The following AGBL1 variants were observed in gnomAD, a reference collection of about 807,000 sequenced individuals.
The protein encoded by AGBL1 is AGBL carboxypeptidase 1.
In AGBL1, 130 loss-of-function variants were observed where a neutral mutation model predicts 118.9. The observed-to-expected ratio is 1.09, with a 90% CI of 0.95 to 1.26. The LOEUF (loss-of-function observed/expected upper bound fraction) is 1.26, where lower values mean the gene tolerates loss of function less well. Ranked by LOEUF, AGBL1 falls within the 50% of genes most tolerant of loss-of-function variation. The probability of loss-of-function intolerance (pLI) is 0.00; values close to 1 mark genes in which losing one functional copy is unlikely to be tolerated. For missense variants in AGBL1, 1,584 were observed against 1,298.1 expected (o/e 1.22, Z -3.38); for synonymous variants, 555 against 478.9 (o/e 1.16, Z -2.08).
chr15:86,680,652 T>C (rs2142567905), intron 22 of AGBL1, among the ~76,000 whole-genome samples: 1 of 144,386 alleles, frequency 6.9e-6, no homozygotes, highest in Non-Finnish European at 1.5e-5. Flanking sequence ...CTACAACCTC[T>C]GCCTCCTGGG....
intron 3 of AGBL1, among the ~76,000 whole-genome samples, chr15:86,146,884 C>T (rs530524437): frequency 3.1e-4 from 47 of 152,222 alleles, no homozygotes; most frequent in Non-Finnish European, 5.4e-4. Context: ...TATCAGTAAA[C>T]GAGGTTTAGG....
intron 17 of AGBL1, among the ~76,000 whole-genome samples, chr15:86,357,753 C>T (rs2080743219): frequency 1.3e-5 from 2 of 152,094 alleles, no homozygotes; most frequent in Admixed American, 1.3e-4. Flanking sequence ...CCTTGTATTT[C>T]CAATCTGAAT....
intron 22 of AGBL1, among the ~76,000 whole-genome samples, chr15:86,829,318 G>A (rs959502821): frequency 6.6e-6 from 1 of 152,232 alleles, no homozygotes; most frequent in African/African-American, 2.4e-5. Flanking sequence ...TTGGAAAACC[G>A]CAAGGGTCAA....
Position 86,356,355 on chromosome 15 carries a change from T to TGC in AGBL1, c.2375-41007_2375-41006dup, listed in dbSNP as rs1555471269. On this transcript the variant is annotated intron_variant, in intron 17 of 22. Coordinates refer to ENST00000614907, the MANE Select transcript of AGBL1 (RefSeq NM_001386094.1). ...ATAGACGTGTGTGTGTGTGTGTGTG[T>TGC]GCGCGTGCGCCCGCACGCACGCGCA... Among the ~76,000 whole-genome samples the TGC allele has an allele frequency of 1.1e-3, 167 of 151,008 alleles. 1 individual carries two copies. The highest frequency in any genetic ancestry group is 3.7e-3 in the African/African-American group (151 of 40,652).
intron 21 of AGBL1, among the ~76,000 whole-genome samples, chr15:86,600,772 CA>C (rs1216905775): frequency 6.6e-6 from 1 of 152,102 alleles, no homozygotes; most frequent in Admixed American, 6.6e-5. Flanking sequence ...TATGGCTAAG[CA>C]GTATCAAAAT....
intron 22 of AGBL1, among the ~76,000 whole-genome samples, chr15:86,812,563 A>G (rs953759256): frequency 6.6e-6 from 1 of 152,188 alleles, no homozygotes; most frequent in African/African-American, 2.4e-5. Flanking sequence ...ACCCCAAGAC[A>G]TGAAATTAGC....
intron 13 of AGBL1, among the ~76,000 whole-genome samples, chr15:86,268,725 T>A (rs2079111431): frequency 6.6e-6 from 1 of 152,144 alleles, no homozygotes. Flanking sequence ...GTGTCATGTG[T>A]TGTGTGGTGA....
rs1596741155 is a variant in AGBL1 at position 87,013,975 on chromosome 15, A to G, written c.3324-14850A>G. 3.9e-5 allele frequency among the ~76,000 whole-genome samples: 6 copies of G among 152,216 alleles called. No individual in the cohort carries two copies. The East Asian group carries it at 1.2e-3, about 29-fold the overall frequency. ...GTGATCTCTGAGTGTCAGATCTCTA[A>G]AAAGCAAAATAGAGTCCAACTTATA... On this transcript the variant is annotated intron_variant, in intron 24 of 24. Coordinates refer to the AGBL1 transcript ENST00000441037.
intron 24 of AGBL1, among the ~76,000 whole-genome samples, chr15:87,023,836 C>T (rs1187667457): frequency 1.3e-5 from 2 of 152,076 alleles, no homozygotes; most frequent in Middle Eastern, 3.4e-3. Flanking sequence ...AAGGAAACTT[C>T]AAAGCCATGC....
intron 22 of AGBL1, among the ~76,000 whole-genome samples, chr15:86,800,123 A>G (rs2078629487): frequency 6.6e-6 from 1 of 152,074 alleles, no homozygotes. Context: ...TTTAGCAAAA[A>G]ACACCTGCAC....
chr15:86,919,492 C>A (rs1419589980), downstream of AGBL1, among the ~76,000 whole-genome samples: 1 of 151,674 alleles, frequency 6.6e-6, no homozygotes, highest in South Asian at 2.1e-4. Context: ...AAAAACAGAG[C>A]CCAGCAAGGG....
intron 21 of AGBL1, among the ~76,000 whole-genome samples, chr15:86,651,235 A>G (rs1483376835): frequency 6.6e-6 from 1 of 152,118 alleles, no homozygotes; most frequent in Non-Finnish European, 1.5e-5. Flanking sequence ...GTGTTATTCC[A>G]TGACTCTGAT....
Position 86,925,736 on chromosome 15 carries a change from A to G in AGBL1, c.3222-62251A>G, listed in dbSNP as rs145183981. 2.0e-3 allele frequency among the ~76,000 whole-genome samples: 138 copies of G among 67,752 alleles called. 1 individual carries two copies. Among genetic ancestry groups the G allele is most frequent in the Admixed American group, 9.5e-3 (60 of 6,284 alleles). The allele number at this position is 67,752 out of a possible 152,430, so 44.4% of individuals were successfully genotyped here. A position where few individuals can be genotyped will look rare whatever the true frequency, so the allele number is the denominator to read the frequency against. On this transcript the variant is annotated intron_variant, in intron 23 of 24. Coordinates refer to the AGBL1 transcript ENST00000441037. ...TTTTCTTTTCTTTTTTTTTTTTTTT[A>G]TTTTTTATTTTTGAGACAGAGTCTC...
chr15:86,811,163 C>T (rs894611312), intron 22 of AGBL1, among the ~76,000 whole-genome samples: 32 of 152,252 alleles, frequency 2.1e-4, no homozygotes, highest in Admixed American at 1.4e-3. Flanking sequence ...AAAGAATGAA[C>T]ATCAAGACCA....
At chr15:86,795,130 C>G (rs1364361348) in intron 22 of AGBL1, among the ~76,000 whole-genome samples, 1 of 152,198 alleles carries the variant, frequency 6.6e-6, no homozygotes, top group Non-Finnish European at 1.5e-5. Context: ...GCTCTGAGGG[C>G]TACAAGGCCC....
rs140901574 is a variant in AGBL1 at position 86,188,926 on chromosome 15, G to T, written c.488+29900G>T. 1.5e-3 allele frequency among the ~76,000 whole-genome samples: 228 copies of T among 152,312 alleles called. 1 individual carries two copies. The highest frequency in any genetic ancestry group is 5.4e-3 in the African/African-American group (225 of 41,570). On this transcript the variant is annotated intron_variant, in intron 5 of 22. Transcript: ENST00000614907. ...CAGATTTATATGCTGTTTCTCTGAA[G>T]CTGTTTGATCTTTGAAGAGACATTA... is the stretch of plus-strand genomic sequence containing the variant.
intron 21 of AGBL1, among the ~76,000 whole-genome samples, chr15:86,563,869 C>T (rs1241537917): frequency 1.3e-5 from 2 of 152,018 alleles, no homozygotes; most frequent in African/African-American, 4.8e-5. Flanking sequence ...TGAATTGATC[C>T]CTTTACCATT....
Position 86,784,263 on chromosome 15 carries a change from C to T in AGBL1, c.3158+109827C>T, listed in dbSNP as rs74025477. Among the ~76,000 whole-genome samples the T allele has an allele frequency of 9.7e-3, 1,474 of 152,204 alleles. 19 individuals carry two copies. The highest frequency in any genetic ancestry group is 0.033 in the African/African-American group (1,361 of 41,520). ...ATGTTGGAGCATAGAAAGTCCTGTT[C>T]CCCACAGAGGCAACCTACTGATGGA... On this transcript the variant is annotated intron_variant, in intron 22 of 22. Transcript: ENST00000614907.
At chr15:86,823,222 A>T (rs945528077) in intron 22 of AGBL1, among the ~76,000 whole-genome samples, 1 of 152,140 alleles carries the variant, frequency 6.6e-6, no homozygotes, top group Admixed American at 6.6e-5. Context: ...TGGAGCTGCT[A>T]ATGGAACCTA....
Sources: gnomAD v4.1 joint callset for allele counts (sites outside exome capture counted in the v4.1 genomes callset) on GRCh38, gnomAD v4.1.1 for gene constraint, MANE v1.5 for transcripts, NCBI Gene and HGNC (gene_info 2026-07-23, HGNC 2026-07-21) for gene names.